The following ERGIC1 variants were observed in gnomAD, a reference collection of about 807,000 sequenced individuals.
The protein encoded by ERGIC1 is endoplasmic reticulum-golgi intermediate compartment 1, also known as endoplasmic reticulum-Golgi intermediate compartment protein 1.
ERGIC1 carries 19 observed loss-of-function variants against 38.3 expected under a neutral mutation model. That is an observed-to-expected ratio of 0.50 (90% CI 0.35 to 0.73). The LOEUF is 0.73. Among genes scored for constraint, ERGIC1 ranks in the 30% least tolerant of loss-of-function variants. The pLI is 0.01. For synonymous variants in ERGIC1, 124 were observed against 157.6 expected, an observed-to-expected ratio of 0.79 and a Z score of 1.60; for missense variants, 294 against 389.2, an observed-to-expected ratio of 0.76 and a Z score of 2.06.
intron 1 of ERGIC1, among the ~76,000 whole-genome samples, chr5:172,855,904 G>A (rs886496922): frequency 6.6e-6 from 1 of 152,244 alleles, no homozygotes; most frequent in Non-Finnish European, 1.5e-5. Context: ...GCCAGCGACT[G>A]TCAGCTCCTG....
intron 2 of ERGIC1, among the ~76,000 whole-genome samples, chr5:172,893,173 A>G (rs1335981596): frequency 6.6e-6 from 1 of 152,044 alleles, no homozygotes; most frequent in African/African-American, 2.4e-5. Flanking sequence ...TTGAGACAGA[A>G]TTTCACTCTT....
chr5:172,870,899 C>G (rs1303722444), intron 1 of ERGIC1, among the ~76,000 whole-genome samples: 1 of 152,222 alleles, frequency 6.6e-6, no homozygotes, highest in African/African-American at 2.4e-5. Flanking sequence ...ACAGTCTTCC[C>G]TGGCTCAGCG....
intron 3 of ERGIC1, among the ~76,000 whole-genome samples, chr5:172,908,666 C>A (rs1763119826): frequency 6.6e-6 from 1 of 152,080 alleles, no homozygotes; most frequent in South Asian, 2.1e-4. Flanking sequence ...CTAGGCAGCG[C>A]CTAGAAGCTG....
intron 1 of ERGIC1, among the ~76,000 whole-genome samples, chr5:172,865,051 CTTTTTTTTTT>C (rs55657045): frequency 8.5e-5 from 8 of 93,852 alleles, no homozygotes; most frequent in Admixed American, 5.0e-4. Flanking sequence ...GAAAGAAATT[CTTTTTTTTTT>C]TTTTTTTTTT....
Position 172,893,022 on chromosome 5 carries a change from GCTCTGGT to G in ERGIC1, c.83-3979_83-3973del, listed in dbSNP as rs773143379. The stretch of plus-strand genomic sequence containing the variant: ...GAGGCCTTTCCATCCCATCCCCCCA[GCTCTGGT>G]GCTCTGGTGTGGATAGAATTAGAAC... On this transcript the variant is annotated intron_variant, in intron 2 of 9. Coordinates refer to ENST00000393784, the MANE Select transcript of ERGIC1 (RefSeq NM_001031711.3). Among the ~76,000 whole-genome samples the G allele has an allele frequency of 2.6e-3, 401 of 152,294 alleles. 1 individual carries two copies. The highest frequency in any genetic ancestry group is 3.6e-3 in the Non-Finnish European group (244 of 68,024).
intron 8 of ERGIC1, chr5:172,933,324 A>G (rs1289404634): frequency 6.6e-6 from 1 of 152,150 alleles, no homozygotes; most frequent in Non-Finnish European, 1.5e-5. Context: ...CATAGCTGTC[A>G]CTCATTGAGT....
intron 1 of ERGIC1, among the ~76,000 whole-genome samples, chr5:172,841,598 CG>C (rs1339491772): frequency 6.6e-6 from 1 of 152,172 alleles, no homozygotes; most frequent in Non-Finnish European, 1.5e-5. Context: ...TCAGAGGACC[CG>C]GATGTCCCTG....
chr5:172,936,185 G>C (rs972361232), intron 9 of ERGIC1: 3 of 152,248 alleles, frequency 2.0e-5, no homozygotes, highest in African/African-American at 7.2e-5. Flanking sequence ...ACCAGACCTT[G>C]AGCTGGCCTG....
intron 1 of ERGIC1, among the ~76,000 whole-genome samples, chr5:172,871,553 C>T (rs993013581): frequency 6.6e-6 from 1 of 152,248 alleles, no homozygotes; most frequent in African/African-American, 2.4e-5. Context: ...GTTGGTCTCT[C>T]CCACTAGGAG....
intron 2 of ERGIC1, among the ~76,000 whole-genome samples, chr5:172,893,939 A>ATATATATATG (rs1762647951): frequency 5.6e-5 from 2 of 35,804 alleles, no homozygotes; most frequent in Non-Finnish European, 1.4e-4. Context: ...GTGTGTGTAT[A>ATATATATATG]TATATATATA....
Position 172,848,678 on chromosome 5 carries a change from C to G in ERGIC1, c.20+14245C>G, listed in dbSNP as rs1335211089. Reference sequence around the variant, plus strand: ...TCCTGGTGCTGAGCCAGCATCTGCACACTGTGGGTGGTCAGTAAATATTGA... The same window carrying G: ...TCCTGGTGCTGAGCCAGCATCTGCAGACTGTGGGTGGTCAGTAAATATTGA... On this transcript the variant is annotated intron_variant, in intron 1 of 9. Coordinates refer to ENST00000393784, the MANE Select transcript of ERGIC1 (RefSeq NM_001031711.3). Among the ~76,000 whole-genome samples the G allele has an allele frequency of 3.3e-5, 5 of 152,164 alleles. No homozygotes were observed. In the South Asian group the frequency reaches 1.0e-3, roughly 32 times the overall value.
chr5:172,914,234 C>CAAAAAA (rs35584191), intron 4 of ERGIC1, among the ~76,000 whole-genome samples: 17 of 102,178 alleles, frequency 1.7e-4, no homozygotes, highest in African/African-American at 4.3e-4. Flanking sequence ...GACTCTGTCT[C>CAAAAAA]AAAAAAAAAA....
At chr5:172,905,798 T>C (rs1763002683) in intron 3 of ERGIC1, among the ~76,000 whole-genome samples, 1 of 152,152 alleles carries the variant, frequency 6.6e-6, no homozygotes. Context: ...AGAACTCCCA[T>C]ACAAAGGAGG....
At position 172,946,765 on chromosome 5, in the gene ERGIC1, C is replaced by T. The variant is rs114126864; in HGVS notation, c.766-3944C>T. Among the ~76,000 whole-genome samples, 431 of 152,260 alleles carry T rather than the reference C, an allele frequency of 2.8e-3. 2 individuals are homozygous for T. Among genetic ancestry groups the T allele is most frequent in the Non-Finnish European group, 5.0e-3 (338 of 68,020 alleles). On this transcript the variant is annotated intron_variant, in intron 9 of 9. Transcript: ENST00000393784. ...TCCTGTGACTCTACGTCACCTCATG[C>T]CAGTCACCTCCTACTGACTGCCAGT... is the stretch of plus-strand genomic sequence containing the variant.
chr5:172,834,350 C>T lies in ERGIC1; in HGVS notation c.-64C>T, dbSNP rs1189551186. 1.1e-5 allele frequency: 14 copies of T among 1,237,166 alleles called. No individual in the cohort carries two copies. The African/African-American group carries it at 1.4e-4, about 13-fold the overall frequency. The allele number at this position is 1,237,166 out of a possible 1,614,324, so 76.6% of individuals were successfully genotyped here. ...GGCCGGAGGAGGCGTTGGCAGCGGG[C>T]TCGGACCCACGCGGCGCCGCGGCCC... is the stretch of plus-strand genomic sequence containing the variant. On this transcript the variant is annotated 5_prime_UTR_variant, in exon 1 of 10. Coordinates refer to ENST00000393784, the MANE Select transcript of ERGIC1 (RefSeq NM_001031711.3). The surrounding 1 kb of genome is among the most constrained non-coding windows in gnomAD (Gnocchi z 4.1).
At chr5:172,903,991 T>TCACACAC (rs1561727208) in intron 3 of ERGIC1, among the ~76,000 whole-genome samples, 6 of 95,072 alleles carry the variant, frequency 6.3e-5, no homozygotes, top group African/African-American at 2.2e-4. Flanking sequence ...ACACACACAT[T>TCACACAC]GACTCACACT....
chr5:172,843,761 G>A (rs191822111), intron 1 of ERGIC1, among the ~76,000 whole-genome samples: 3 of 152,268 alleles, frequency 2.0e-5, no homozygotes, highest in Admixed American at 6.5e-5. Context: ...GCACTCATTC[G>A]GCAGAACTCT....
chr5:172,892,060 A>ATTTTTTTTTTGTGTTGTTT, intron 2 of ERGIC1, among the ~76,000 whole-genome samples: 1 of 125,530 alleles, frequency 8.0e-6, no homozygotes, highest in South Asian at 2.6e-4. Context: ...GTTAAAGAGT[A>ATTTTTTTTTTGTGTTGTTT]TGTTTTTTTT....
intron 1 of ERGIC1, among the ~76,000 whole-genome samples, chr5:172,844,224 G>A (rs1489844622): frequency 2.0e-5 from 3 of 152,188 alleles, no homozygotes; most frequent in African/African-American, 7.2e-5. Flanking sequence ...ACACACTCAG[G>A]CGCCCCTACC....
Sources: allele counts gnomAD v4.1 joint callset (sites outside exome capture counted in the v4.1 genomes callset), GRCh38; gene constraint gnomAD v4.1.1; non-coding constraint Gnocchi (gnomAD v3.1); transcripts MANE v1.5; gene names NCBI Gene and HGNC (gene_info 2026-07-23, HGNC 2026-07-21).